MORC3: variants seen among roughly 807,000 people sequenced by gnomAD.
MORC3 encodes the protein MORC family CW-type zinc finger protein 3.
In MORC3, 31 loss-of-function variants were observed where a neutral mutation model predicts 109.1. That is an observed-to-expected ratio of 0.28 (90% CI 0.21 to 0.38). The LOEUF is 0.38. Among genes scored for constraint, MORC3 ranks in the 10% least tolerant of loss-of-function variants. The pLI, the probability that MORC3 is intolerant of heterozygous loss-of-function variation, is 1.00. For missense variants in MORC3, 867 were observed against 1,135.8 expected (o/e 0.76, Z 3.40); for synonymous variants, 395 against 380.7 (o/e 1.04, Z -0.44).
intron 9 of MORC3, among the ~76,000 whole-genome samples, chr21:36,356,005 A>G (rs961907046): frequency 1.3e-5 from 2 of 152,296 alleles, no homozygotes; most frequent in African/African-American, 4.8e-5. Context: ...TTACTGCAAT[A>G]TAAAATTTCT....
chr21:36,320,526 CG>C (rs2085179005), intron 1 of MORC3: 4 of 379,558 alleles, frequency 1.1e-5, no homozygotes, highest in African/African-American at 8.5e-5. Context: ...TGTTTTGCTT[CG>C]GGGCGGGCCA....
At chr21:36,328,157 G>A (rs1251723616) in intron 1 of MORC3, among the ~76,000 whole-genome samples, 2 of 151,954 alleles carry the variant, frequency 1.3e-5, no homozygotes, top group Non-Finnish European at 2.9e-5. Context: ...GATTATAGGT[G>A]TGAGCCACCA....
At chr21:36,334,665 CAAT>C (rs1469440265) in intron 2 of MORC3, among the ~76,000 whole-genome samples, 2 of 152,212 alleles carry the variant, frequency 1.3e-5, no homozygotes, top group African/African-American at 4.8e-5. Flanking sequence ...TTTCTGGTAT[CAAT>C]AGGAGGATTG....
At chr21:36,375,118 A>C in intron 16 of MORC3, 25 bp from the exon 17 acceptor site, 2 of 1,595,214 alleles carry the variant, frequency 1.3e-6, no homozygotes, top group East Asian at 2.2e-5. Context: ...TGCTCATCTA[A>C]TAAGTTACAT....
At chr21:36,371,968 C>T (rs1954512586) in intron 15 of MORC3, among the ~76,000 whole-genome samples, 1 of 152,082 alleles carries the variant, frequency 6.6e-6, no homozygotes, top group Admixed American at 6.6e-5. Flanking sequence ...CGGCTGCCAT[C>T]ACACCCAGCT....
At chr21:36,328,993 G>T (rs751703644) in intron 1 of MORC3, among the ~76,000 whole-genome samples, 1 of 150,626 alleles carries the variant, frequency 6.6e-6, no homozygotes, top group Non-Finnish European at 1.5e-5. Context: ...ACTTCATAAC[G>T]TTTTAAGAAA....
chr21:36,336,777 A>G, intron 2 of MORC3, 97 bp from the exon 3 acceptor site: 1 of 1,240,552 alleles, frequency 8.1e-7, no homozygotes, highest in Non-Finnish European at 1.1e-6. Context: ...AAGTTGTCTT[A>G]AAACATAGTC....
intron 1 of MORC3, chr21:36,333,377 A>C: frequency 2.3e-6 from 1 of 427,376 alleles, no homozygotes; most frequent in Non-Finnish European, 4.1e-6. Flanking sequence ...GTATGTCCCT[A>C]TTTGGGATTG....
At chr21:36,328,937 C>T (rs376395916) in intron 1 of MORC3, among the ~76,000 whole-genome samples, 2 of 148,904 alleles carry the variant, frequency 1.3e-5, no homozygotes, top group African/African-American at 4.9e-5. Context: ...GAAATTGTAA[C>T]GATAGCTGAT....
intron 15 of MORC3, 70 bp downstream of exon 15, chr21:36,369,946 G>T (rs1003494251): frequency 3.2e-5 from 49 of 1,541,250 alleles, no homozygotes; most frequent in Non-Finnish European, 3.8e-5. Context: ...CTGCCAGTTG[G>T]CTGGGCGCGG....
At chr21:36,335,162 A>G (rs1159710617) in intron 2 of MORC3, among the ~76,000 whole-genome samples, 1 of 152,196 alleles carries the variant, frequency 6.6e-6, no homozygotes, top group African/African-American at 2.4e-5. Flanking sequence ...TCATGCACAC[A>G]AACATAAGCC....
chr21:36,359,556 C>CTTTTT (rs5843757), intron 10 of MORC3, among the ~76,000 whole-genome samples: 247 of 93,926 alleles, frequency 2.6e-3, no homozygotes, highest in Middle Eastern at 6.7e-3. Context: ...CTTTCCTCTC[C>CTTTTT]TTTTTTTTTT....
At chr21:36,360,349 A>G in intron 12 of MORC3, 91 bp downstream of exon 12, 1 of 1,281,156 alleles carries the variant, frequency 7.8e-7, no homozygotes, top group South Asian at 1.3e-5. Flanking sequence ...CTCCAAGGTA[A>G]AGCACCTGTA....
At chr21:36,352,280 A>G (rs914615547) in intron 9 of MORC3, among the ~76,000 whole-genome samples, 1 of 152,032 alleles carries the variant, frequency 6.6e-6, no homozygotes. Context: ...GGCAAGCTAC[A>G]TTACTAATGG....
At chr21:36,371,431 C>A (rs146246878) in intron 15 of MORC3, among the ~76,000 whole-genome samples, 19 of 80,074 alleles carry the variant, frequency 2.4e-4, no homozygotes, top group African/African-American at 1.2e-3. Context: ...AAAATCTTAG[C>A]CTAGCCTAAC....
At chr21:36,364,453 C>T (rs937603529) in intron 14 of MORC3, among the ~76,000 whole-genome samples, 194 bp downstream of exon 14, 13 of 152,192 alleles carry the variant, frequency 8.5e-5, no homozygotes, top group Non-Finnish European at 1.6e-4. Context: ...ACTTCTGCCA[C>T]CTGTTAAATT....
At position 36,369,444 on chromosome 21, in the gene MORC3, A is replaced by T. The variant is rs776193101; in HGVS notation, c.2076A>T (p.Ala692=). 9 of 1,614,132 alleles carry T rather than the reference A, an allele frequency of 5.6e-6. No homozygotes were observed. The East Asian group carries it at 2.0e-4, about 36-fold the overall frequency. ...CCACCGATAAATCTGCAGATGATGC[A>T]GGCTGCCAATTACAAGAACTGAGAA... is the stretch of plus-strand genomic sequence containing the variant. The part of the protein sequence containing the change: ...QETTDKSADD[A]GCQLQELRNQ... Residue 692 remains alanine (A), a synonymous_variant, in exon 15 of 17, where the codon GCA becomes GCT. Coordinates refer to ENST00000400485, the MANE Select transcript of MORC3 (RefSeq NM_015358.3).
At chr21:36,366,876 T>C (rs2085787304) in intron 14 of MORC3, among the ~76,000 whole-genome samples, 1 of 152,046 alleles carries the variant, frequency 6.6e-6, no homozygotes, top group African/African-American at 2.4e-5. Context: ...ATAGAGTAAC[T>C]CCAAATTAAA....
chr21:36,348,746 A>G (rs2085540177), intron 8 of MORC3, among the ~76,000 whole-genome samples: 1 of 152,204 alleles, frequency 6.6e-6, no homozygotes, highest in African/African-American at 2.4e-5. Context: ...TGGGGATGTT[A>G]ATACTTGTCT....
Sources: allele counts gnomAD v4.1 joint callset (sites outside exome capture counted in the v4.1 genomes callset), GRCh38; gene constraint gnomAD v4.1.1; transcripts MANE v1.5; gene names NCBI Gene and HGNC (gene_info 2026-07-23, HGNC 2026-07-21).